Variants in TNRC6B observed in about 807,000 individuals in gnomAD.
TNRC6B encodes the protein trinucleotide repeat containing adaptor 6B.
Under a neutral mutation model 203.6 loss-of-function variants are expected in TNRC6B, and 52 were observed. The ratio of observed to expected loss-of-function variants is 0.26; its 90% CI spans 0.20 to 0.32. The LOEUF (loss-of-function observed/expected upper bound fraction) is 0.32. TNRC6B is among the 10% of genes least tolerant of loss of function. The pLI is 1.00. For missense variants in TNRC6B, 1,923 were observed against 2,286.2 expected (o/e 0.84, Z 3.24); for synonymous variants, 838 against 845.7 (o/e 0.99, Z 0.16).
At chr22:40,208,800 C>T (rs547745551) in intron 1 of TNRC6B, among the ~76,000 whole-genome samples, 1 of 152,294 alleles carries the variant, frequency 6.6e-6, no homozygotes, top group East Asian at 1.9e-4. Flanking sequence ...TCATCTCCAT[C>T]CAAAAAGTAA....
At chr22:40,159,925 C>T (rs1435289125) in intron 4 of TNRC6B, among the ~76,000 whole-genome samples, 1 of 151,880 alleles carries the variant, frequency 6.6e-6, no homozygotes, top group East Asian at 1.9e-4. Context: ...GATCTTTTTG[C>T]CTCAGCTTCC....
chr22:40,211,630 C>T (rs2069564741), intron 1 of TNRC6B, among the ~76,000 whole-genome samples: 1 of 152,148 alleles, frequency 6.6e-6, no homozygotes, highest in Non-Finnish European at 1.5e-5. Context: ...GCCTCGGACT[C>T]CTCCCTTCTC....
chr22:40,259,335 G>A (rs1475315553), intron 3 of TNRC6B, among the ~76,000 whole-genome samples: 4 of 151,734 alleles, frequency 2.6e-5, no homozygotes, highest in Admixed American at 6.6e-5. Context: ...AGCAATTCTC[G>A]TCCTCAGCCT....
intron 3 of TNRC6B, among the ~76,000 whole-genome samples, chr22:40,151,477 TTG>T (rs1186639705): frequency 1.3e-4 from 20 of 148,942 alleles, no homozygotes; most frequent in African/African-American, 5.0e-4. Context: ...GAAGCAGAGG[TTG>T]CAATGAGCTG....
rs1244593172 is a variant in TNRC6B, at chr22:40,301,219, T to C, written c.4006T>C (p.Ser1336Pro). Residue 1336 changes from serine to proline, a missense_variant, in exon 15 of 23, where the codon TCG becomes CCG. Transcript: ENST00000454349. The stretch of plus-strand genomic sequence containing the variant: ...GCAGAGGCAGCCAGGCATGAAGCAC[T>C]CGCCCTCTCATCCTGTTGGGCCCAA... The part of the protein sequence containing the change: ...QQQRQPGMKH[S>P]PSHPVGPKPH... 2 of 1,556,478 alleles carry C rather than the reference T, an allele frequency of 1.3e-6. No individual in the cohort carries two copies. The highest frequency in any genetic ancestry group is 1.7e-6 in the Non-Finnish European group (2 of 1,149,630).
chr22:40,086,057 G>GACGGGGTCT (rs1370945456), intron 1 of TNRC6B, among the ~76,000 whole-genome samples: 1 of 152,078 alleles, frequency 6.6e-6, no homozygotes, highest in Non-Finnish European at 1.5e-5. Context: ...TTTTTGTAGA[G>GACGGGGTCT]ACGGGGTCTT....
intron 1 of TNRC6B, among the ~76,000 whole-genome samples, chr22:40,233,276 C>T (rs909016715): frequency 1.7e-4 from 26 of 151,810 alleles, no homozygotes; most frequent in Non-Finnish European, 3.5e-4. Context: ...GAGCCAAGAT[C>T]GCGCCACTGC....
At chr22:40,073,884 C>G (rs1299004469) in intron 1 of TNRC6B, among the ~76,000 whole-genome samples, 1 of 152,068 alleles carries the variant, frequency 6.6e-6, no homozygotes, top group African/African-American at 2.4e-5. Flanking sequence ...ATAGCGAAAC[C>G]CCAGCTCTAC....
intron 1 of TNRC6B, chr22:40,106,563 CA>C: frequency 2.7e-6 from 2 of 728,838 alleles, no homozygotes; most frequent in Non-Finnish European, 5.0e-6. Flanking sequence ...TCTGTCAAAG[CA>C]ATTCGCTTCT....
chr22:40,161,311 A>G (rs563616216), intron 4 of TNRC6B, among the ~76,000 whole-genome samples: 4 of 152,174 alleles, frequency 2.6e-5, no homozygotes, highest in Non-Finnish European at 5.9e-5. Context: ...ATTTTTTTCC[A>G]AATGGTTCTC....
At position 40,147,354 on chromosome 22, in the gene TNRC6B, A is replaced by G. The variant is rs2146343794; in HGVS notation, c.46-8761A>G. 2.0e-5 allele frequency among the ~76,000 whole-genome samples: 3 copies of G among 152,282 alleles called. 1 individual carries two copies. The South Asian group carries it at 6.2e-4, about 32-fold the overall frequency. ...CAGAGTTTCAGATGGAAAAGATGGA[A>G]GAATTGTGGAGATGGATGGTTGATG... On this transcript the variant is annotated intron_variant, in intron 3 of 23. Transcript: ENST00000301923.
intron 1 of TNRC6B, among the ~76,000 whole-genome samples, chr22:40,202,150 A>G (rs1249306039): frequency 2.0e-5 from 3 of 152,140 alleles, no homozygotes; most frequent in Admixed American, 6.6e-5. Flanking sequence ...TCCTACTTCT[A>G]GTTGAGTTAA....
At chr22:40,156,112 C>A in intron 3 of TNRC6B, 1 of 1,574,998 alleles carries the variant, frequency 6.3e-7, no homozygotes, top group Non-Finnish European at 8.6e-7. Context: ...CTTGCCTTTG[C>A]AGGTGGAACA....
chr22:40,109,775 CAGGTT>C (rs1303233871), intron 1 of TNRC6B, among the ~76,000 whole-genome samples: 1 of 152,182 alleles, frequency 6.6e-6, no homozygotes, highest in African/African-American at 2.4e-5. Flanking sequence ...GAAGGCGGCA[CAGGTT>C]ATCTAGCTCA....
intron 21 of TNRC6B, 100 bp from the exon 22 acceptor site, chr22:40,320,990 A>G (rs1417351295): frequency 1.4e-6 from 2 of 1,407,828 alleles, no homozygotes; most frequent in Non-Finnish European, 2.0e-6. Context: ...CTATTTGCAA[A>G]ATGGGCACAC....
chr22:40,294,581 T>C (rs1296478999), intron 12 of TNRC6B, among the ~76,000 whole-genome samples: 2 of 152,234 alleles, frequency 1.3e-5, no homozygotes, highest in Non-Finnish European at 2.9e-5. Context: ...TGTTACCAAA[T>C]ACAGTCGCTA....
intron 1 of TNRC6B, among the ~76,000 whole-genome samples, chr22:40,198,757 C>T (rs2069371927): frequency 6.6e-6 from 1 of 152,024 alleles, no homozygotes; most frequent in Non-Finnish European, 1.5e-5. Flanking sequence ...ATAAAAATAG[C>T]AATAAAATCT....
chr22:40,048,122 T>C (rs182841756), intron 1 of TNRC6B, among the ~76,000 whole-genome samples: 2 of 152,364 alleles, frequency 1.3e-5, no homozygotes, highest in East Asian at 3.9e-4. Flanking sequence ...TTCCTCTCAC[T>C]TCCAGAGTTC....
intron 11 of TNRC6B, among the ~76,000 whole-genome samples, chr22:40,284,651 G>A (rs915494054): frequency 9.9e-5 from 15 of 152,200 alleles, no homozygotes; most frequent in African/African-American, 3.4e-4. Flanking sequence ...TAACTATAGT[G>A]TGGTTTGATG....
Sources: allele counts gnomAD v4.1 joint callset (sites outside exome capture counted in the v4.1 genomes callset), GRCh38; gene constraint gnomAD v4.1.1; transcripts MANE v1.5; gene names NCBI Gene and HGNC (gene_info 2026-07-23, HGNC 2026-07-21).